Variants in P2RY12 observed in about 807,000 individuals in gnomAD.
P2RY12 encodes purinergic receptor P2Y12.
A neutral mutation model predicts 4.5 loss-of-function variants in P2RY12; 3 were observed. That is an observed-to-expected ratio of 0.67 (90% CI 0.31 to 1.74). The LOEUF (loss-of-function observed/expected upper bound fraction) is 1.74, where lower values mean the gene tolerates loss of function less well. Ranked by LOEUF, P2RY12 falls within the 40% of genes most tolerant of loss-of-function variation. The probability of loss-of-function intolerance (pLI) is 0.09; values close to 1 mark genes in which losing one functional copy is unlikely to be tolerated. For synonymous variants in P2RY12, 148 were observed against 154.1 expected, an observed-to-expected ratio of 0.96 and a Z score of 0.29; for missense variants, 356 against 407.8, an observed-to-expected ratio of 0.87 and a Z score of 1.09.
chr3:151,367,411 A>C (rs1755419329), intron 1 of P2RY12, among the ~76,000 whole-genome samples: 1 of 152,210 alleles, frequency 6.6e-6, no homozygotes, highest in East Asian at 1.9e-4. Context: ...CATGTATGCA[A>C]GTCAAAGCTC....
At chr3:151,376,448 G>C (rs1756865868) in intron 1 of P2RY12, among the ~76,000 whole-genome samples, 1 of 152,098 alleles carries the variant, frequency 6.6e-6, no homozygotes, top group South Asian at 2.1e-4. Flanking sequence ...GTATTTACAT[G>C]AGAAATATGC....
At chr3:151,366,021 A>G in intron 1 of P2RY12, 1 of 1,519,830 alleles carries the variant, frequency 6.6e-7, no homozygotes, top group Non-Finnish European at 8.8e-7. Flanking sequence ...TAAAAATTGA[A>G]CTGTGCAATT....
chr3:151,337,618 G>A lies in P2RY12; in HGVS notation c.*199C>T. 1.7e-6 allele frequency: 1 copy of A among 592,530 alleles called. No individual in the cohort carries two copies. The highest frequency in any genetic ancestry group is 1.9e-5 in the African/African-American group (1 of 53,778). The allele number at this position is 592,530 out of a possible 1,614,324, so 36.7% of individuals were successfully genotyped here. A position where few individuals can be genotyped will look rare whatever the true frequency, so the allele number is the denominator to read the frequency against. On this transcript the variant is annotated 3_prime_UTR_variant, in exon 3 of 3. Transcript: ENST00000302632. ...TTGTTTTGCTGCTAATACAGCTACAGTTTAGATTAGTTTTCTATATTTTAA... is the reference window on the plus strand; with the variant it reads ...TTGTTTTGCTGCTAATACAGCTACAATTTAGATTAGTTTTCTATATTTTAA...
chr3:151,380,663 C>A (rs1012731274), intron 1 of P2RY12, among the ~76,000 whole-genome samples: 2 of 151,430 alleles, frequency 1.3e-5, no homozygotes, highest in East Asian at 1.9e-4. Flanking sequence ...GAGAAACAAT[C>A]CATGCCTTAT....
chr3:151,370,508 G>A (rs1199742733), intron 1 of P2RY12, among the ~76,000 whole-genome samples: 3 of 152,100 alleles, frequency 2.0e-5, no homozygotes, highest in African/African-American at 4.8e-5. Flanking sequence ...ATACACACAC[G>A]GGCCTGTGAA....
chr3:151,342,372 T>A (rs1024152988), intron 1 of P2RY12, among the ~76,000 whole-genome samples: 2 of 152,224 alleles, frequency 1.3e-5, no homozygotes, highest in African/African-American at 4.8e-5. Context: ...TTTGGTTTTT[T>A]CTTCTGCGTT....
chr3:151,373,319 T>G (rs1273389628), intron 1 of P2RY12, among the ~76,000 whole-genome samples: 2 of 152,192 alleles, frequency 1.3e-5, no homozygotes, highest in Admixed American at 1.3e-4. Flanking sequence ...TGATGTCCAT[T>G]TGCACCTCAA....
chr3:151,379,506 G>A (rs537602912), intron 1 of P2RY12, among the ~76,000 whole-genome samples: 1 of 152,344 alleles, frequency 6.6e-6, no homozygotes, highest in Non-Finnish European at 1.5e-5. Flanking sequence ...ACCAGTGGAT[G>A]CTGCGGGCTA....
In P2RY12 at chr3:151,352,311, G is replaced by A. The variant is rs369180502; in HGVS notation, c.-179-11551C>T. ...TTCAGATTTTGGATTCTCAGAATAG[G>A]GATCCTCAACCTTTTTCAGTAAATA... On this transcript the variant is annotated intron_variant, in intron 1 of 2. Coordinates refer to ENST00000302632, the MANE Select transcript of P2RY12 (RefSeq NM_022788.5). Among the ~76,000 whole-genome samples, 81 of 152,188 alleles carry A rather than the reference G, an allele frequency of 5.3e-4. 1 individual carries two copies. Among genetic ancestry groups the A allele is most frequent in the African/African-American group, 1.9e-3 (79 of 41,522 alleles).
chr3:151,369,102 T>C (rs1755857414), intron 1 of P2RY12, among the ~76,000 whole-genome samples: 1 of 152,182 alleles, frequency 6.6e-6, no homozygotes, highest in African/African-American at 2.4e-5. Flanking sequence ...AAAGTAAGAA[T>C]TTTAGGGGCG....
intron 1 of P2RY12, among the ~76,000 whole-genome samples, chr3:151,341,363 T>C (rs76090747): frequency 0.013 from 1,959 of 152,250 alleles, 50 homozygotes; most frequent in African/African-American, 0.046. Flanking sequence ...ATATACTGTG[T>C]CGTTCATGCT....
At chr3:151,379,495 T>C (rs2108100977) in intron 1 of P2RY12, among the ~76,000 whole-genome samples, 1 of 152,362 alleles carries the variant, frequency 6.6e-6, no homozygotes, top group Non-Finnish European at 1.5e-5. Context: ...GACACCTCTT[T>C]ACCAGTGGAT....
chr3:151,355,294 A>G (rs568538709), intron 1 of P2RY12: 3 of 1,251,110 alleles, frequency 2.4e-6, no homozygotes, highest in African/African-American at 3.0e-5. Context: ...TTACTTAAAA[A>G]TTTTTTTCAT....
At chr3:151,349,195 GTT>G (rs1752929026) in intron 1 of P2RY12, among the ~76,000 whole-genome samples, 1 of 152,210 alleles carries the variant, frequency 6.6e-6, no homozygotes, top group Non-Finnish European at 1.5e-5. Flanking sequence ...TGAGGAATGT[GTT>G]CAGTGGTGTG....
chr3:151,337,515 T>G lies in P2RY12; in HGVS notation c.*302A>C. The G allele has an allele frequency of 3.2e-6, 1 of 308,366 alleles. No individual in the cohort carries two copies. Among genetic ancestry groups the G allele is most frequent in the Non-Finnish European group, 6.0e-6 (1 of 165,384 alleles). 19.1% of individuals were successfully genotyped at this position (308,366 alleles called of 1,614,324 possible). ...TTTAAAAATTACAGTAAATATTATA[T>G]GATTACTCATTTTGGCAAAACTCTG... On this transcript the variant is annotated 3_prime_UTR_variant, in exon 3 of 3. Transcript: ENST00000302632.
At chr3:151,350,241 T>A in intron 1 of P2RY12, 1 of 1,602,810 alleles carries the variant, frequency 6.2e-7, no homozygotes, top group Non-Finnish European at 8.5e-7. Flanking sequence ...CCCATTGTGT[T>A]GCCTTTTGCC....
At chr3:151,350,203 G>T (rs1753048992) in intron 1 of P2RY12, 1 of 1,613,256 alleles carries the variant, frequency 6.2e-7, no homozygotes, top group African/African-American at 1.3e-5. Flanking sequence ...CACAGAGACA[G>T]GGGGTAAAGA....
intron 1 of P2RY12, chr3:151,366,093 A>G: frequency 9.9e-7 from 1 of 1,005,062 alleles, no homozygotes; most frequent in Non-Finnish European, 1.4e-6. Context: ...TTCAACTGAA[A>G]TGTTATAAAA....
At chr3:151,349,973 G>A in intron 1 of P2RY12, 1 of 1,254,402 alleles carries the variant, frequency 8.0e-7, no homozygotes, top group Non-Finnish European at 1.1e-6. Context: ...CAGCATGGAG[G>A]TGCTGTGGTC....
Sources: allele counts gnomAD v4.1 joint callset (sites outside exome capture counted in the v4.1 genomes callset), GRCh38; gene constraint gnomAD v4.1.1; transcripts MANE v1.5; gene names NCBI Gene and HGNC (gene_info 2026-07-23, HGNC 2026-07-21).